Variants in GRID2 observed in about 807,000 individuals in gnomAD.
GRID2 encodes the protein glutamate ionotropic receptor delta type subunit 2.
GRID2 carries 33 observed loss-of-function variants against 114.8 expected under a neutral mutation model. The ratio of observed to expected loss-of-function variants is 0.29; its 90% confidence interval spans 0.22 to 0.38. GRID2 has a LOEUF of 0.38. Among genes scored for constraint, GRID2 ranks in the 10% least tolerant of loss-of-function variants. The pLI, the probability that GRID2 is intolerant of heterozygous loss-of-function variation, is 1.00. For missense variants in GRID2, 1,184 were observed against 1,257.7 expected (o/e 0.94, Z 0.89); for synonymous variants, 505 against 449.9 (o/e 1.12, Z -1.55).
intron 2 of GRID2, among the ~76,000 whole-genome samples, chr4:92,942,866 ATTCTT>A (rs1751274724): frequency 6.6e-6 from 1 of 152,146 alleles, no homozygotes; most frequent in Non-Finnish European, 1.5e-5. Flanking sequence ...TGGGTTGAAA[ATTCTT>A]TTCTTTAAGA....
intron 2 of GRID2, among the ~76,000 whole-genome samples, chr4:93,067,505 GGT>G (rs1312168097): frequency 6.6e-6 from 1 of 151,908 alleles, no homozygotes; most frequent in Non-Finnish European, 1.5e-5. Context: ...TATTTCATCA[GGT>G]TATAAGGCTC....
rs547294313 is a variant in GRID2, at chr4:92,759,796, T to A, written c.244+169510T>A. On this transcript the variant is annotated intron_variant, in intron 2 of 15. Coordinates refer to ENST00000282020, the MANE Select transcript of GRID2 (RefSeq NM_001510.4). ...TTTTTCTTCTTCTTCTTCTTTTTTTTTTTTGTATTTAGTAGAGACGGGGTT... is the reference window on the plus strand; with the variant it reads ...TTTTTCTTCTTCTTCTTCTTTTTTTATTTTGTATTTAGTAGAGACGGGGTT... Among the ~76,000 whole-genome samples the A allele has an allele frequency of 3.3e-5, 5 of 151,398 alleles. No homozygotes were observed. The East Asian group carries it at 1.0e-3, about 30-fold the overall frequency.
chr4:93,513,365 T>C (rs1729382633), intron 12 of GRID2, among the ~76,000 whole-genome samples: 1 of 152,222 alleles, frequency 6.6e-6, no homozygotes, highest in African/African-American at 2.4e-5. Context: ...TTACTGATAC[T>C]ACTGAAAACA....
At chr4:92,649,630 C>T (rs1416485982) in intron 2 of GRID2, among the ~76,000 whole-genome samples, 2 of 151,984 alleles carry the variant, frequency 1.3e-5, no homozygotes, top group African/African-American at 4.8e-5. Context: ...AAGTCCATCA[C>T]TGGGTACCCA....
At chr4:92,353,655 T>TAAAC (rs577182993) in intron 1 of GRID2, among the ~76,000 whole-genome samples, 85 of 152,098 alleles carry the variant, frequency 5.6e-4, no homozygotes, top group African/African-American at 1.9e-3. Flanking sequence ...CTAAAACAAA[T>TAAAC]AAACACACAA....
intron 2 of GRID2, among the ~76,000 whole-genome samples, chr4:92,805,567 G>A (rs1378314235): frequency 7.2e-5 from 11 of 152,074 alleles, no homozygotes; most frequent in South Asian, 2.1e-4. Context: ...TGGAGACATC[G>A]TTTGGGAAAT....
At chr4:93,665,808 C>A (rs757374313) in intron 14 of GRID2, among the ~76,000 whole-genome samples, 5 of 152,114 alleles carry the variant, frequency 3.3e-5, no homozygotes, top group Non-Finnish European at 5.9e-5. Flanking sequence ...TGTTCCTGAA[C>A]AGAAAAACCC....
chr4:92,957,066 T>C (rs939946044), intron 2 of GRID2, among the ~76,000 whole-genome samples: 1 of 152,130 alleles, frequency 6.6e-6, no homozygotes, highest in Admixed American at 6.6e-5. Context: ...CTATCAGATA[T>C]GTCTTTTGCA....
At chr4:93,082,018 C>T (rs1484574583) in intron 2 of GRID2, among the ~76,000 whole-genome samples, 1 of 152,140 alleles carries the variant, frequency 6.6e-6, no homozygotes, top group Non-Finnish European at 1.5e-5. Context: ...CAAAGCAAAT[C>T]AATTTCTATC....
chr4:92,710,532 T>C (rs948841035), intron 2 of GRID2, among the ~76,000 whole-genome samples: 1 of 152,210 alleles, frequency 6.6e-6, no homozygotes, highest in African/African-American at 2.4e-5. Context: ...CCAGGCCCTC[T>C]CTTAGCTTTT....
chr4:92,526,613 G>C (rs1725058770), intron 1 of GRID2, among the ~76,000 whole-genome samples: 1 of 151,896 alleles, frequency 6.6e-6, no homozygotes, highest in Admixed American at 6.6e-5. Context: ...CAAAGTGCTG[G>C]GATTACAGGC....
At chr4:93,015,381 T>C (rs1025987772) in intron 2 of GRID2, among the ~76,000 whole-genome samples, 3 of 152,158 alleles carry the variant, frequency 2.0e-5, no homozygotes, top group South Asian at 2.1e-4. Flanking sequence ...TGGAGCCACA[T>C]TGTGTGGGCA....
intron 2 of GRID2, among the ~76,000 whole-genome samples, chr4:92,844,598 C>T (rs1246830649): frequency 1.3e-5 from 2 of 150,432 alleles, no homozygotes; most frequent in Admixed American, 1.3e-4. Context: ...ACAGTATGAT[C>T]AGGATTGATT....
At chr4:93,032,831 T>C (rs1261252531) in intron 2 of GRID2, among the ~76,000 whole-genome samples, 1 of 152,186 alleles carries the variant, frequency 6.6e-6, no homozygotes, top group African/African-American at 2.4e-5. Flanking sequence ...GCAATGAAAG[T>C]AGCCTAACAC....
At chr4:93,554,948 G>C (rs144466707) in intron 13 of GRID2, among the ~76,000 whole-genome samples, 2 of 152,104 alleles carry the variant, frequency 1.3e-5, no homozygotes, top group Non-Finnish European at 2.9e-5. Flanking sequence ...TGGGTCTAGC[G>C]TACAGAGTGC....
At chr4:93,375,849 AT>A (rs1456469663) in intron 8 of GRID2, among the ~76,000 whole-genome samples, 3 of 152,212 alleles carry the variant, frequency 2.0e-5, no homozygotes, top group African/African-American at 7.2e-5. Flanking sequence ...CACTAATTAT[AT>A]TAGTTTGTAG....
intron 8 of GRID2, among the ~76,000 whole-genome samples, chr4:93,268,334 A>G (rs1751077864): frequency 6.6e-6 from 1 of 152,138 alleles, no homozygotes; most frequent in Admixed American, 6.5e-5. Context: ...TTTTGGTCTC[A>G]TCTTATAGGG....
At chr4:93,781,988 G>C (rs1279620476) in intron 1 of GRID2, among the ~76,000 whole-genome samples, 1 of 152,106 alleles carries the variant, frequency 6.6e-6, no homozygotes, top group East Asian at 1.9e-4. Context: ...TTGATTGTTA[G>C]ATTACTCTTC....
chr4:92,720,669 G>A (rs1471329119), intron 2 of GRID2, among the ~76,000 whole-genome samples: 1 of 151,864 alleles, frequency 6.6e-6, no homozygotes, highest in Non-Finnish European at 1.5e-5. Flanking sequence ...AATATAAAAG[G>A]AACTGAAAAA....
Sources: allele counts gnomAD v4.1 joint callset (sites outside exome capture counted in the v4.1 genomes callset), GRCh38; gene constraint gnomAD v4.1.1; transcripts MANE v1.5; gene names NCBI Gene and HGNC (gene_info 2026-07-23, HGNC 2026-07-21).